PSD3: variants seen among roughly 807,000 people sequenced by gnomAD.
The protein encoded by PSD3 is pleckstrin and Sec7 domain containing 3.
A neutral mutation model predicts 105.5 loss-of-function variants in PSD3; 49 were observed. That is an observed-to-expected ratio of 0.46 (90% CI 0.37 to 0.59). The LOEUF is 0.59. Among genes scored for constraint, PSD3 ranks in the 20% least tolerant of loss-of-function variants. The pLI is 0.00. For synonymous variants in PSD3, 557 were observed against 457.8 expected (o/e 1.22, Z -2.77); for missense variants, 1,561 against 1,263.8 (o/e 1.24, Z -3.57).
At chr8:18,659,740 G>C (rs1056770811) in intron 9 of PSD3, among the ~76,000 whole-genome samples, 1 of 152,204 alleles carries the variant, frequency 6.6e-6, no homozygotes, top group Non-Finnish European at 1.5e-5. Context: ...TTGTTGGTGA[G>C]GATGATGGGC....
intron 2 of PSD3, among the ~76,000 whole-genome samples, chr8:18,876,649 C>A (rs1817752544): frequency 6.6e-6 from 1 of 152,186 alleles, no homozygotes; most frequent in African/African-American, 2.4e-5. Context: ...ATACGCCTGC[C>A]TCGGCCTCCT....
chr8:18,970,815 C>CGTG (rs1162067156), intron 1 of PSD3, among the ~76,000 whole-genome samples: 1 of 151,742 alleles, frequency 6.6e-6, no homozygotes, highest in African/African-American at 2.4e-5. Context: ...ATTAGCTGGG[C>CGTG]GTGGCGGTGT....
intron 11 of PSD3, among the ~76,000 whole-genome samples, chr8:18,624,370 T>C (rs901409353): frequency 6.6e-6 from 1 of 151,966 alleles, no homozygotes; most frequent in Non-Finnish European, 1.5e-5. Flanking sequence ...TGTCTTCATA[T>C]ATGTATTGAT....
intron 14 of PSD3, among the ~76,000 whole-genome samples, chr8:18,571,455 C>T (rs927763340): frequency 2.6e-5 from 4 of 152,272 alleles, no homozygotes; most frequent in Non-Finnish European, 5.9e-5. Context: ...TTTCCTCCTT[C>T]ACCTCCAAGG....
intron 11 of PSD3, among the ~76,000 whole-genome samples, chr8:18,605,403 G>A (rs541797439): frequency 6.6e-6 from 1 of 151,662 alleles, no homozygotes; most frequent in South Asian, 2.1e-4. Context: ...TATTCCTTTT[G>A]GAATGGGAAT....
At chr8:18,698,836 A>G (rs1801410374) in intron 9 of PSD3, among the ~76,000 whole-genome samples, 1 of 152,216 alleles carries the variant, frequency 6.6e-6, no homozygotes, top group Non-Finnish European at 1.5e-5. Context: ...TAGCTTTTAT[A>G]TGCAGGAACA....
intron 1 of PSD3, among the ~76,000 whole-genome samples, chr8:18,991,373 T>TACACACACAC (rs71545538): frequency 2.6e-4 from 26 of 100,088 alleles, no homozygotes; most frequent in East Asian, 5.7e-4. Context: ...CACACACACA[T>TACACACACAC]ACACACACAC....
intron 11 of PSD3, among the ~76,000 whole-genome samples, chr8:18,604,372 T>A (rs534808491): frequency 6.6e-6 from 1 of 152,280 alleles, no homozygotes; most frequent in Admixed American, 6.5e-5. Flanking sequence ...ATTTAGGGTA[T>A]CTGGCAGAAG....
rs1799538621 is a variant in PSD3 at position 18,529,202 on chromosome 8, T to C, written c.*6541A>G. 6.6e-6 allele frequency: 1 copy of C among 152,188 alleles called. No homozygotes were observed. Among genetic ancestry groups the C allele is most frequent in the Non-Finnish European group, 1.5e-5 (1 of 68,040 alleles). 9.4% of individuals were successfully genotyped at this position (152,188 alleles called of 1,614,324 possible). ...TACAAGAAAGCCTTCAATTTGGTGG[T>C]CCACAAGAAAGAATGTGATATGGAT... On this transcript the variant is annotated 3_prime_UTR_variant, in exon 16 of 16. Transcript: ENST00000327040.
intron 11 of PSD3, among the ~76,000 whole-genome samples, chr8:18,621,177 A>T (rs1312952984): frequency 1.3e-5 from 2 of 152,130 alleles, no homozygotes; most frequent in Non-Finnish European, 2.9e-5. Flanking sequence ...GGAGGCTGAG[A>T]AGGGCAGATT....
intron 8 of PSD3, among the ~76,000 whole-genome samples, chr8:18,774,134 C>T (rs1286414890): frequency 6.6e-6 from 1 of 152,094 alleles, no homozygotes; most frequent in African/African-American, 2.4e-5. Context: ...TGAAGATCCT[C>T]TACACACAAG....
intron 9 of PSD3, among the ~76,000 whole-genome samples, chr8:18,746,581 T>C (rs575048181): frequency 1.3e-5 from 2 of 152,206 alleles, no homozygotes; most frequent in Non-Finnish European, 2.9e-5. Context: ...GCATCAGTAA[T>C]AGTTTCAGAA....
At chr8:18,903,483 C>A (rs1638780507) in intron 2 of PSD3, among the ~76,000 whole-genome samples, 1 of 152,078 alleles carries the variant, frequency 6.6e-6, no homozygotes, top group Non-Finnish European at 1.5e-5. Context: ...TCCTCAAGAA[C>A]AGATGTGTCC....
Position 18,936,110 on chromosome 8 carries a change from A to T in PSD3, c.54T>A (p.Ser18=), listed in dbSNP as rs762838756. 1.9e-5 allele frequency: 30 copies of T among 1,613,282 alleles called. No homozygotes were observed. The East Asian group carries it at 6.0e-4, about 32-fold the overall frequency. ...CCTTGGCAACACTCTGGGAATGTGCAGATGCATTGTTCACCCAAACAAATG... is the reference window on the plus strand; with the variant it reads ...CCTTGGCAACACTCTGGGAATGTGCTGATGCATTGTTCACCCAAACAAATG... ...AETFVWVNNA[S]AHSQSVAKAK... is the part of the protein sequence containing the mutation. The change falls in exon 2 of 16, where the codon TCT becomes TCA. Residue 18 remains serine, a synonymous_variant. Coordinates refer to ENST00000327040, the MANE Select transcript of PSD3 (RefSeq NM_015310.4).
At chr8:18,541,679 C>A (rs1020150539) in intron 15 of PSD3, among the ~76,000 whole-genome samples, 17 of 152,022 alleles carry the variant, frequency 1.1e-4, no homozygotes, top group African/African-American at 3.6e-4. Context: ...GGCTTTTTCT[C>A]TCTCTTTAGA....
intron 1 of PSD3, among the ~76,000 whole-genome samples, chr8:19,079,781 C>T (rs1016313711): frequency 1.3e-5 from 2 of 152,152 alleles, no homozygotes; most frequent in Non-Finnish European, 2.9e-5. Context: ...TCATGGAAAT[C>T]CCAGTTTTCC....
At chr8:18,863,515 C>T (rs952625582) in intron 4 of PSD3, among the ~76,000 whole-genome samples, 2 of 152,138 alleles carry the variant, frequency 1.3e-5, no homozygotes, top group African/African-American at 4.8e-5. Context: ...TTCCGGCTGA[C>T]ATGTGGCTCA....
Position 18,778,205 on chromosome 8 carries a change from C to T in PSD3, c.2083-12667G>A, listed in dbSNP as rs987717480. ...AAATTACTCCTGGGTTAAATTTATT[C>T]CCAGGTTTTTTCTTTTGTAGCTGTT... On this transcript the variant is annotated intron_variant, in intron 8 of 15. Coordinates refer to ENST00000327040, the MANE Select transcript of PSD3 (RefSeq NM_015310.4). Among the ~76,000 whole-genome samples the T allele has an allele frequency of 2.6e-5, 4 of 152,156 alleles. No homozygotes were observed. The South Asian group carries it at 8.3e-4, about 32-fold the overall frequency.
chr8:18,759,092 A>ACTCTCTCTCTCTCT (rs748135836), intron 9 of PSD3, among the ~76,000 whole-genome samples: 2 of 143,860 alleles, frequency 1.4e-5, no homozygotes, highest in African/African-American at 5.0e-5. Context: ...ACACACACAC[A>ACTCTCTCTCTCTCT]CTCTCTCTCT....
Sources: gnomAD v4.1 joint callset for allele counts (sites outside exome capture counted in the v4.1 genomes callset) on GRCh38, gnomAD v4.1.1 for gene constraint, MANE v1.5 for transcripts, NCBI Gene and HGNC (gene_info 2026-07-23, HGNC 2026-07-21) for gene names.